The following SLAMF8 variants were observed in gnomAD, a reference collection of about 807,000 sequenced individuals.
The protein encoded by SLAMF8 is SLAM family member 8, also known as B lymphocyte activator macrophage expressed.
In SLAMF8, 23 loss-of-function variants were observed where a neutral mutation model predicts 29.0. That is an observed-to-expected ratio of 0.79 (90% CI 0.57 to 1.13). The LOEUF is 1.13. Ranked by LOEUF, SLAMF8 falls within the 50% of genes most tolerant of loss-of-function variation. SLAMF8 has a pLI of 0.00. For missense variants in SLAMF8, 381 were observed against 353.1 expected (o/e 1.08, Z -0.63); for synonymous variants, 139 against 145.6 (o/e 0.96, Z 0.32).
At position 159,835,520 on chromosome 1, in the gene SLAMF8, T is replaced by TC; in HGVS notation, c.*262dup. 1 of 1,264,928 alleles carries TC rather than the reference T, an allele frequency of 7.9e-7. No homozygotes were observed. The highest frequency in any genetic ancestry group is 1.0e-6 in the Non-Finnish European group (1 of 1,003,286). The allele number at this position is 1,264,928 out of a possible 1,614,324, so 78.4% of individuals were successfully genotyped here. A position where few individuals can be genotyped will look rare whatever the true frequency, so the allele number is the denominator to read the frequency against. ...GGGCAAGATGAGCCAAGCAGAACAT[T>TC]CCATCCAGGACACTGGAAGTTCTCC... is the stretch of plus-strand genomic sequence containing the variant. On this transcript the variant is annotated 3_prime_UTR_variant, in exon 5 of 5. Coordinates refer to ENST00000289707, the MANE Select transcript of SLAMF8 (RefSeq NM_020125.3).
At position 159,826,879 on chromosome 1, in the gene SLAMF8, GC is replaced by G; in HGVS notation, c.-18del. On this transcript the variant is annotated 5_prime_UTR_variant, in exon 1 of 5. Transcript: ENST00000289707. ...TGGATTTTGGCTGTCGAGGGAGTTT[GC>G]CTGCCTCTCCAGAGAAAGATGGTCA... 1 of 1,614,092 alleles carries G rather than the reference GC, an allele frequency of 6.2e-7. No homozygotes were observed. The highest frequency in any genetic ancestry group is 8.5e-7 in the Non-Finnish European group (1 of 1,180,002).
chr1:159,835,260 A>C lies in SLAMF8; in HGVS notation c.858A>C (p.Ter286TyrextTer4). 1 of 1,613,654 alleles carries C rather than the reference A, an allele frequency of 6.2e-7. No individual in the cohort carries two copies. The highest frequency in any genetic ancestry group is 1.1e-5 in the South Asian group (1 of 91,024). ...TENPLVQDLP[*>Y] is the part of the protein sequence containing the mutation. ...ACCCCCTTGTGCAGGATCTGCCATAAAGGACAATATGAACTGATGCCTGGA... is the reference window on the plus strand; with the variant it reads ...ACCCCCTTGTGCAGGATCTGCCATACAGGACAATATGAACTGATGCCTGGA... The change falls in exon 5 of 5, where the codon TAA (stop) becomes TAC (tyrosine). Residue 286 changes from the stop codon to tyrosine (Y), a stop_lost. Coordinates refer to ENST00000289707, the MANE Select transcript of SLAMF8 (RefSeq NM_020125.3).
chr1:159,827,739 C>A (rs1388930789), intron 1 of SLAMF8, among the ~76,000 whole-genome samples: 1 of 152,172 alleles, frequency 6.6e-6, no homozygotes, highest in Non-Finnish European at 1.5e-5. Flanking sequence ...AGCTCCAAAG[C>A]CTGCAGATTT....
Position 159,836,625 on chromosome 1 carries a change from C to T in SLAMF8, c.*1365C>T, listed in dbSNP as rs1647962631. On this transcript the variant is annotated 3_prime_UTR_variant, in exon 5 of 5. Coordinates refer to ENST00000289707, the MANE Select transcript of SLAMF8 (RefSeq NM_020125.3). ...TCCCAGGGTGGCTTCAATCTCCCCA[C>T]CTAGGATGTCAGCCCTGTCCAAGGA... 1 of 985,442 alleles carries T rather than the reference C, an allele frequency of 1.0e-6. No homozygotes were observed. Among genetic ancestry groups the T allele is most frequent in the Non-Finnish European group, 1.2e-6 (1 of 829,954 alleles). 61.0% of individuals were successfully genotyped at this position (985,442 alleles called of 1,614,324 possible).
At chr1:159,829,684 T>G (rs1647325176) in intron 1 of SLAMF8, among the ~76,000 whole-genome samples, 182 bp from the exon 2 acceptor site, 1 of 152,236 alleles carries the variant, frequency 6.6e-6, no homozygotes, top group Non-Finnish European at 1.5e-5. Flanking sequence ...GTTCCATGAA[T>G]GCAGAGACTG....
rs1442883738 is a variant in SLAMF8, at chr1:159,831,266, G to A, written c.367+1074G>A. Among the ~76,000 whole-genome samples, 3 of 152,194 alleles carry A rather than the reference G, an allele frequency of 2.0e-5. No individual in the cohort carries two copies. The East Asian group carries it at 5.8e-4, about 29-fold the overall frequency. The stretch of plus-strand genomic sequence containing the variant: ...AGAGGTAGCAGCTGGGAAGAGGGTA[G>A]CCATGAGGGAGATAAAGATTGTAAG... On this transcript the variant is annotated intron_variant, in intron 2 of 4. Coordinates refer to ENST00000289707, the MANE Select transcript of SLAMF8 (RefSeq NM_020125.3).
In SLAMF8 at chr1:159,833,381, G is replaced by A. The variant is rs1647646132; in HGVS notation, c.781+12G>A. The A allele has an allele frequency of 6.8e-6, 11 of 1,613,978 alleles. No individual in the cohort carries two copies. The highest frequency in any genetic ancestry group is 9.3e-6 in the Non-Finnish European group (11 of 1,179,958). ...GTGCCCCTGCTCAGGTAGGAGTCCT[G>A]CAGGTGCAGGAGGTAGGTGGAGGAA... On this transcript the variant is annotated intron_variant, in intron 4 of 4. Coordinates refer to ENST00000289707, the MANE Select transcript of SLAMF8 (RefSeq NM_020125.3).
chr1:159,831,284 A>G (rs10158752), intron 2 of SLAMF8, among the ~76,000 whole-genome samples: 22,261 of 152,076 alleles, frequency 0.15, 1,758 homozygotes, highest in Middle Eastern at 0.18. Context: ...GGAGATAAAG[A>G]TTGTAAGCAA....
Position 159,837,162 on chromosome 1 carries a change from C to T in SLAMF8, c.*1902C>T, listed in dbSNP as rs964482905. 1.0e-6 allele frequency: 1 copy of T among 985,330 alleles called. No individual in the cohort carries two copies. Among genetic ancestry groups the T allele is most frequent in the African/African-American group, 1.7e-5 (1 of 57,216 alleles). 61.0% of individuals were successfully genotyped at this position (985,330 alleles called of 1,614,324 possible). On this transcript the variant is annotated 3_prime_UTR_variant, in exon 5 of 5. Coordinates refer to ENST00000289707, the MANE Select transcript of SLAMF8 (RefSeq NM_020125.3). Reference sequence around the variant, plus strand: ...CCTCCACAAGGTGACTCTTAGCAACCTCATTTCGACAGTGGTTTGTAGCGT... The same window carrying T: ...CCTCCACAAGGTGACTCTTAGCAACTTCATTTCGACAGTGGTTTGTAGCGT...
At chr1:159,833,875 G>A (rs549229831) in intron 4 of SLAMF8, among the ~76,000 whole-genome samples, 1 of 152,324 alleles carries the variant, frequency 6.6e-6, no homozygotes, top group East Asian at 1.9e-4. Context: ...GTGGTTCCCA[G>A]AACACAACTC....
rs1647859932 is a variant in SLAMF8, at chr1:159,835,500, A to C, written c.*240A>C. The stretch of plus-strand genomic sequence containing the variant: ...TCATATCCTGGCTCTTCTCTGGGCA[A>C]GATGAGCCAAGCAGAACATTCCATC... On this transcript the variant is annotated 3_prime_UTR_variant, in exon 5 of 5. Transcript: ENST00000289707. The C allele has an allele frequency of 1.5e-6, 2 of 1,291,790 alleles. No individual in the cohort carries two copies. The highest frequency in any genetic ancestry group is 6.6e-5 in the East Asian group (2 of 30,446). The allele number at this position is 1,291,790 out of a possible 1,614,324, so 80.0% of individuals were successfully genotyped here.
At position 159,835,146 on chromosome 1, in the gene SLAMF8, C is replaced by T. The variant is rs1432601061; in HGVS notation, c.782-38C>T. The T allele has an allele frequency of 2.5e-6, 4 of 1,599,094 alleles. No individual in the cohort carries two copies. The African/African-American group carries it at 4.0e-5, about 16-fold the overall frequency. Reference sequence around the variant, plus strand: ...AGGCCAAGGATTCCAAGACTCCAAACACTGGAGGGGTAACTTTCTTTCTGA... The same window carrying T: ...AGGCCAAGGATTCCAAGACTCCAAATACTGGAGGGGTAACTTTCTTTCTGA... On this transcript the variant is annotated intron_variant, in intron 4 of 4. Coordinates refer to ENST00000289707, the MANE Select transcript of SLAMF8 (RefSeq NM_020125.3).
At chr1:159,828,169 A>G (rs922885114) in intron 1 of SLAMF8, among the ~76,000 whole-genome samples, 8 of 152,206 alleles carry the variant, frequency 5.3e-5, no homozygotes, top group African/African-American at 1.9e-4. Context: ...TAATGATCAA[A>G]GATCTGTGTG....
intron 1 of SLAMF8, among the ~76,000 whole-genome samples, chr1:159,827,582 C>T (rs1453565172): frequency 6.6e-6 from 1 of 152,142 alleles, no homozygotes; most frequent in South Asian, 2.1e-4. Flanking sequence ...CAACAAGCAG[C>T]CAACATGACA....
At chr1:159,832,382 T>C (rs1224808693) in intron 2 of SLAMF8, among the ~76,000 whole-genome samples, 1 of 152,260 alleles carries the variant, frequency 6.6e-6, no homozygotes, top group Non-Finnish European at 1.5e-5. Flanking sequence ...TCTTGTTGAC[T>C]GACTGACATA....
Position 159,836,659 on chromosome 1 carries a change from C to A in SLAMF8, c.*1399C>A. On this transcript the variant is annotated 3_prime_UTR_variant, in exon 5 of 5. Coordinates refer to ENST00000289707, the MANE Select transcript of SLAMF8 (RefSeq NM_020125.3). ...TCAGCCCTGTCCAAGGACCTTCCCTCTTCTCCCCAGTTCCTGGGCAATCAC... is the reference window on the plus strand; with the variant it reads ...TCAGCCCTGTCCAAGGACCTTCCCTATTCTCCCCAGTTCCTGGGCAATCAC... 1.0e-6 allele frequency: 1 copy of A among 985,506 alleles called. No homozygotes were observed. 61.0% of individuals were successfully genotyped at this position (985,506 alleles called of 1,614,324 possible).
In SLAMF8 at chr1:159,833,183, T is replaced by A; in HGVS notation, c.673+2T>A. 6.2e-7 allele frequency: 1 copy of A among 1,613,962 alleles called. No homozygotes were observed. Among genetic ancestry groups the A allele is most frequent in the Non-Finnish European group, 8.5e-7 (1 of 1,179,914 alleles). ...GGGATAGCTGTCATCATGAGGCAGG[T>A]ATGCTAAGGGCCAGCAGTCAGTGGT... On this transcript the variant is annotated splice_donor_variant, in intron 3 of 4. Coordinates refer to ENST00000289707, the MANE Select transcript of SLAMF8 (RefSeq NM_020125.3). LOFTEE classifies it high-confidence loss of function.
chr1:159,828,760 G>T (rs1006266275), intron 1 of SLAMF8, among the ~76,000 whole-genome samples: 4 of 152,130 alleles, frequency 2.6e-5, no homozygotes, highest in Non-Finnish European at 4.4e-5. Context: ...AACCTCTCTT[G>T]GTTACATTAC....
chr1:159,827,485 T>G (rs1663701117), intron 1 of SLAMF8, among the ~76,000 whole-genome samples: 1 of 151,996 alleles, frequency 6.6e-6, no homozygotes, highest in Non-Finnish European at 1.5e-5. Flanking sequence ...CCGACGGTGG[T>G]GTGATGTTGG....
Sources: gnomAD v4.1 joint callset for allele counts (sites outside exome capture counted in the v4.1 genomes callset) on GRCh38, gnomAD v4.1.1 for gene constraint, MANE v1.5 for transcripts, NCBI Gene and HGNC (gene_info 2026-07-23, HGNC 2026-07-21) for gene names.